The following AGO2 variants were observed in gnomAD, a reference collection of about 807,000 sequenced individuals.
AGO2 encodes the protein argonaute RISC catalytic component 2.
Under a neutral mutation model 102.3 loss-of-function variants are expected in AGO2, and 5 were observed. The observed-to-expected ratio is 0.05, with a 90% CI of 0.03 to 0.10. The LOEUF is 0.10. AGO2 is among the 10% of genes least tolerant of loss of function. The pLI is 1.00. For missense variants in AGO2, 541 were observed against 1,183.7 expected (o/e 0.46, Z 7.97); for synonymous variants, 449 against 473.1 (o/e 0.95, Z 0.66).
At position 140,540,852 on chromosome 8, in the gene AGO2, G is replaced by A. The variant is rs1019122353; in HGVS notation, c.2034+312C>T. Among the ~76,000 whole-genome samples, 3 of 152,178 alleles carry A rather than the reference G, an allele frequency of 2.0e-5. No homozygotes were observed. The highest frequency in any genetic ancestry group is 4.4e-5 in the Non-Finnish European group (3 of 68,028). ...CCTGCAAGGCAAAGCCAGGCCCTCG[G>A]GAAGCCCCCAGATGGAGCTCTGCTC... On this transcript the variant is annotated intron_variant, in intron 15 of 18. Transcript: ENST00000220592. This position sits in a 1 kb window ranked among gnomAD's most constrained non-coding sequence, Gnocchi z 5.0.
At chr8:140,562,704 G>A (rs2132947175) in intron 3 of AGO2, 70 bp from the exon 4 acceptor site, 1 of 1,548,970 alleles carries the variant, frequency 6.5e-7, no homozygotes, top group South Asian at 1.2e-5. Context: ...GCCTGGCAGT[G>A]GTTGGCTTCC....
In AGO2 at chr8:140,541,158, G is replaced by A. The variant is rs750575667; in HGVS notation, c.2034+6C>T. On this transcript the variant is annotated splice_donor_region_variant and intron_variant, in intron 15 of 18. Transcript: ENST00000220592. ...AAGGGGAGGGAAGGTTCCAAGAGGC[G>A]CCCACCTGCTGGAACTGGCCTTCAG... is the stretch of plus-strand genomic sequence containing the variant. 15 of 1,543,216 alleles carry A rather than the reference G, an allele frequency of 9.7e-6. No homozygotes were observed. The Admixed American group carries it at 1.2e-4, about 12-fold the overall frequency.
intron 1 of AGO2, among the ~76,000 whole-genome samples, chr8:140,597,480 C>CG (rs1246722265): frequency 7.6e-6 from 1 of 132,126 alleles, no homozygotes; most frequent in East Asian, 2.3e-4. Flanking sequence ...CCCCACCCCC[C>CG]CCCCCCCGCC....
At chr8:140,620,475 G>C (rs2074204514) in intron 1 of AGO2, among the ~76,000 whole-genome samples, 1 of 152,222 alleles carries the variant, frequency 6.6e-6, no homozygotes, top group Non-Finnish European at 1.5e-5. Context: ...GAGCAGGAGA[G>C]GAGGACAGGA....
intron 13 of AGO2, among the ~76,000 whole-genome samples, chr8:140,546,906 G>A (rs1415867377): frequency 6.6e-6 from 1 of 152,204 alleles, no homozygotes; most frequent in African/African-American, 2.4e-5. Flanking sequence ...GTCAGGAGGT[G>A]CCAGAGGAGG....
At chr8:140,536,195 C>T (rs1465280056) in intron 16 of AGO2, among the ~76,000 whole-genome samples, 3 of 152,214 alleles carry the variant, frequency 2.0e-5, no homozygotes, top group Non-Finnish European at 2.9e-5. Context: ...GGCATGGCCA[C>T]GCCAGCAGCA....
intron 8 of AGO2, among the ~76,000 whole-genome samples, 153 bp from the exon 9 acceptor site, chr8:140,556,439 G>T (rs572409443): frequency 4.6e-5 from 7 of 152,218 alleles, no homozygotes; most frequent in Admixed American, 4.6e-4. Context: ...TCTGCTGTGG[G>T]GGCTGCTCCA....
chr8:140,604,591 C>T (rs1034107427), intron 1 of AGO2, among the ~76,000 whole-genome samples: 1 of 152,104 alleles, frequency 6.6e-6, no homozygotes, highest in Non-Finnish European at 1.5e-5. Flanking sequence ...CTTTGTGAGG[C>T]CGAGATGGGT....
chr8:140,612,417 CG>C (rs2074092950), intron 1 of AGO2, among the ~76,000 whole-genome samples: 1 of 152,050 alleles, frequency 6.6e-6, no homozygotes, highest in African/African-American at 2.4e-5. Context: ...AGGATCCATT[CG>C]GGCTGCAGTT....
At chr8:140,544,924 C>T (rs1382733901) in intron 13 of AGO2, among the ~76,000 whole-genome samples, 1 of 152,194 alleles carries the variant, frequency 6.6e-6, no homozygotes, top group East Asian at 1.9e-4. Flanking sequence ...ATGTGGGCCT[C>T]GGGCTCTCCG....
chr8:140,607,493 T>TAC (rs1463340271), intron 1 of AGO2, among the ~76,000 whole-genome samples: 4 of 11,316 alleles, frequency 3.5e-4, no homozygotes, highest in African/African-American at 1.3e-3. Flanking sequence ...TATATATATA[T>TAC]ATATATATAT....
chr8:140,585,436 T>C (rs2073641378), intron 1 of AGO2, 125 bp from the exon 2 acceptor site: 5 of 1,065,794 alleles, frequency 4.7e-6, no homozygotes, highest in Non-Finnish European at 6.7e-6. Flanking sequence ...AGGCCAATAT[T>C]GCATTCCACA....
rs1437655572 is a variant in AGO2, at chr8:140,547,738, G to T, written c.1589-111C>A. The T allele has an allele frequency of 1.2e-5, 18 of 1,447,978 alleles. No individual in the cohort carries two copies. The East Asian group carries it at 2.9e-4, about 24-fold the overall frequency. 89.7% of individuals were successfully genotyped at this position (1,447,978 alleles called of 1,614,324 possible). A position where few individuals can be genotyped will look rare whatever the true frequency, so the allele number is the denominator to read the frequency against. ...GCCCCCATCTGGCAAGTGCAGCCATGGCAGCTGTGCTGAGCTTTGCGTGTC... is the reference window on the plus strand; with the variant it reads ...GCCCCCATCTGGCAAGTGCAGCCATTGCAGCTGTGCTGAGCTTTGCGTGTC... On this transcript the variant is annotated intron_variant, in intron 12 of 18. Transcript: ENST00000220592.
At chr8:140,551,950 A>G (rs1244034263) in intron 10 of AGO2, among the ~76,000 whole-genome samples, 1 of 152,078 alleles carries the variant, frequency 6.6e-6, no homozygotes, top group Non-Finnish European at 1.5e-5. Flanking sequence ...TGAATGGATG[A>G]ATGGATGGAT....
At chr8:140,621,188 C>T (rs993629584) in intron 1 of AGO2, among the ~76,000 whole-genome samples, 11 of 152,218 alleles carry the variant, frequency 7.2e-5, no homozygotes, top group African/African-American at 2.4e-4. Context: ...ACCCTGCAGC[C>T]GGTGGGCCTG....
At chr8:140,596,519 G>A (rs1203201808) in intron 1 of AGO2, among the ~76,000 whole-genome samples, 4 of 152,212 alleles carry the variant, frequency 2.6e-5, no homozygotes, top group Non-Finnish European at 5.9e-5. Context: ...GGAGGCGGAG[G>A]TTGCAGTGAG....
chr8:140,607,193 G>A (rs191443831), intron 1 of AGO2, among the ~76,000 whole-genome samples: 1 of 151,936 alleles, frequency 6.6e-6, no homozygotes, highest in Admixed American at 6.6e-5. Context: ...AGGTTGCAGT[G>A]ACCCGAGATC....
chr8:140,590,006 CAG>C (rs1245365662), intron 1 of AGO2, among the ~76,000 whole-genome samples: 2 of 152,240 alleles, frequency 1.3e-5, no homozygotes, highest in African/African-American at 4.8e-5. Context: ...GAGACGGTCT[CAG>C]AATGTGTGCT....
Position 140,556,148 on chromosome 8 carries a change from G to C in AGO2, c.1146+19C>G. The C allele has an allele frequency of 6.2e-7, 1 of 1,614,086 alleles. No individual in the cohort carries two copies. Among genetic ancestry groups the C allele is most frequent in the Non-Finnish European group, 8.5e-7 (1 of 1,179,988 alleles). ...GGACTGGATTCCACAGGGCAGCCCT[G>C]CCCGGGACTGACACTCACCAATTTG... On this transcript the variant is annotated intron_variant, in intron 9 of 18. Coordinates refer to ENST00000220592, the MANE Select transcript of AGO2 (RefSeq NM_012154.5).
Sources: gnomAD v4.1 joint callset for allele counts (sites outside exome capture counted in the v4.1 genomes callset) on GRCh38, gnomAD v4.1.1 for gene constraint, Gnocchi (gnomAD v3.1) non-coding constraint, MANE v1.5 for transcripts, NCBI Gene and HGNC (gene_info 2026-07-23, HGNC 2026-07-21) for gene names.